TBC1D14: variants seen among roughly 807,000 people sequenced by gnomAD.
TBC1D14 encodes TBC1 domain family, member 14.
TBC1D14 carries 26 observed loss-of-function variants against 79.0 expected under a neutral mutation model. The ratio of observed to expected loss-of-function variants is 0.33; its 90% CI spans 0.24 to 0.46. The LOEUF is 0.46. TBC1D14 is among the 20% of genes least tolerant of loss of function. The pLI, the probability that TBC1D14 is intolerant of heterozygous loss-of-function variation, is 1.00. For missense variants in TBC1D14, 769 were observed against 887.6 expected (o/e 0.87, Z 1.70); for synonymous variants, 394 against 349.9 (o/e 1.13, Z -1.40).
At position 7,030,330 on chromosome 4, in the gene TBC1D14, C is replaced by T. The variant is rs1445833217; in HGVS notation, c.2020C>T (p.Leu674=). ...QSRNKKWAQV[L]TALQKDSREM... ...CTGTCTTCCCTGTGACTTCTAGGTA[C>T]TGACTGCATTGCAGAAAGACAGCCG... The change falls in exon 14 of 14, where the codon CTG becomes TTG. Residue 674 remains leucine, a synonymous_variant. Transcript: ENST00000409757. 6.2e-7 allele frequency: 1 copy of T among 1,613,928 alleles called. No individual in the cohort carries two copies. Among genetic ancestry groups the T allele is most frequent in the Admixed American group, 1.7e-5 (1 of 60,028 alleles).
At chr4:6,997,658 G>A (rs969456607) in intron 5 of TBC1D14, among the ~76,000 whole-genome samples, 14 of 152,174 alleles carry the variant, frequency 9.2e-5, no homozygotes, top group Non-Finnish European at 7.3e-5. Context: ...TAACAATGTG[G>A]TGTATATGTA....
intron 3 of TBC1D14, among the ~76,000 whole-genome samples, chr4:6,984,014 G>C (rs896714611): frequency 9.9e-5 from 15 of 151,976 alleles, no homozygotes; most frequent in Non-Finnish European, 1.9e-4. Flanking sequence ...CTCGCCAGAA[G>C]GAATAGGAAT....
At chr4:7,008,078 A>G (rs1720390207) in intron 9 of TBC1D14, among the ~76,000 whole-genome samples, 1 of 152,236 alleles carries the variant, frequency 6.6e-6, no homozygotes, top group Admixed American at 6.5e-5. Flanking sequence ...TACTGGCCTA[A>G]CAGGGCTGTT....
At chr4:7,009,256 C>CT (rs1297173437) in intron 9 of TBC1D14, among the ~76,000 whole-genome samples, 3 of 152,214 alleles carry the variant, frequency 2.0e-5, no homozygotes, top group African/African-American at 4.8e-5. Context: ...CATCTCTGCA[C>CT]TTTCTTCTGT....
At chr4:6,948,608 C>T (rs554857306) in intron 2 of TBC1D14, among the ~76,000 whole-genome samples, 19 of 151,838 alleles carry the variant, frequency 1.3e-4, no homozygotes, top group African/African-American at 3.1e-4. Flanking sequence ...GTCCCACTCG[C>T]GGTGTGTGGT....
intron 6 of TBC1D14, among the ~76,000 whole-genome samples, chr4:7,000,044 G>A (rs1385708884): frequency 6.6e-6 from 1 of 152,202 alleles, no homozygotes; most frequent in Non-Finnish European, 1.5e-5. Context: ...CAGCACTGCA[G>A]GGGTCACGCG....
intron 3 of TBC1D14, among the ~76,000 whole-genome samples, chr4:6,985,234 A>G (rs1717718565): frequency 6.6e-6 from 1 of 152,158 alleles, no homozygotes; most frequent in Non-Finnish European, 1.5e-5. Context: ...AATGATGGGG[A>G]ATTCCATAGT....
intron 12 of TBC1D14, among the ~76,000 whole-genome samples, chr4:7,016,412 T>C (rs1383722678): frequency 1.3e-5 from 2 of 152,212 alleles, no homozygotes; most frequent in Non-Finnish European, 2.9e-5. Context: ...CCGTGTGCAT[T>C]TGACTGCGAG....
At chr4:6,987,448 G>A in intron 3 of TBC1D14, 1 of 1,162,210 alleles carries the variant, frequency 8.6e-7, no homozygotes, top group Non-Finnish European at 1.1e-6. Context: ...GCGGCCCCGC[G>A]CAGGTGGAGG....
chr4:6,960,080 C>CT (rs1286524254), intron 2 of TBC1D14, among the ~76,000 whole-genome samples: 1 of 105,468 alleles, frequency 9.5e-6, no homozygotes, highest in Non-Finnish European at 2.0e-5. Flanking sequence ...ACCCTGTGCC[C>CT]CTTTTTTTTT....
chr4:7,001,061 CT>C, intron 6 of TBC1D14, 83 bp from the exon 7 acceptor site: 2 of 1,143,462 alleles, frequency 1.7e-6, no homozygotes, highest in Non-Finnish European at 2.6e-6. Flanking sequence ...CATCCCAGCT[CT>C]TGGTGGTTCG....
At chr4:6,987,279 A>AGGGAGGCC in intron 3 of TBC1D14, 2 of 1,336,514 alleles carry the variant, frequency 1.5e-6, no homozygotes, top group Non-Finnish European at 1.9e-6. Context: ...GGAGGGAGGG[A>AGGGAGGCC]GGGAGGCCGG....
In TBC1D14 at chr4:6,996,660, C is replaced by T. The variant is rs138593187; in HGVS notation, c.1045+253C>T. 4.0e-4 allele frequency among the ~76,000 whole-genome samples: 61 copies of T among 152,318 alleles called. 1 individual carries two copies. In the East Asian group the frequency reaches 0.011, roughly 28 times the overall value. On this transcript the variant is annotated intron_variant, in intron 5 of 13. Transcript: ENST00000409757. ...AGGCAGAGGGGAGAAGCGGTGAGAC[C>T]GCAGGGTTTGCTGGGAGCCTCCCAA...
intron 2 of TBC1D14, among the ~76,000 whole-genome samples, chr4:6,938,182 A>T (rs1483001727): frequency 6.6e-6 from 1 of 152,086 alleles, no homozygotes; most frequent in African/African-American, 2.4e-5. Context: ...CCCCATCCTC[A>T]GGGAGAGCTT....
chr4:6,937,152 G>A (rs144152649), intron 2 of TBC1D14, among the ~76,000 whole-genome samples: 64 of 152,294 alleles, frequency 4.2e-4, no homozygotes, highest in African/African-American at 1.5e-3. Flanking sequence ...CCCGACCTCA[G>A]GTGATCTGCC....
intron 3 of TBC1D14, among the ~76,000 whole-genome samples, chr4:6,968,292 G>C (rs1326647229): frequency 6.6e-6 from 1 of 152,138 alleles, no homozygotes; most frequent in African/African-American, 2.4e-5. Flanking sequence ...AATGATTCCA[G>C]GGCAGGCGCA....
chr4:6,972,400 C>T (rs908148382), intron 3 of TBC1D14, among the ~76,000 whole-genome samples: 6 of 152,218 alleles, frequency 3.9e-5, no homozygotes, highest in African/African-American at 1.4e-4. Flanking sequence ...CAGCCCTCGT[C>T]TTCCTTGGCC....
At chr4:7,005,856 G>C (rs1322475425) in intron 8 of TBC1D14, among the ~76,000 whole-genome samples, 1 of 152,128 alleles carries the variant, frequency 6.6e-6, no homozygotes, top group African/African-American at 2.4e-5. Context: ...GCTTATAGAG[G>C]AGCTCAGATT....
intron 6 of TBC1D14, among the ~76,000 whole-genome samples, chr4:6,999,496 A>G (rs989559673): frequency 6.6e-6 from 1 of 152,112 alleles, no homozygotes; most frequent in Non-Finnish European, 1.5e-5. Flanking sequence ...TGTGACTGTC[A>G]GTACACAGTT....
Sources: gnomAD v4.1 joint callset for allele counts (sites outside exome capture counted in the v4.1 genomes callset) on GRCh38, gnomAD v4.1.1 for gene constraint, MANE v1.5 for transcripts, NCBI Gene and HGNC (gene_info 2026-07-23, HGNC 2026-07-21) for gene names.